MIB1: variants seen among roughly 807,000 people sequenced by gnomAD.
MIB1 encodes E3 ubiquitin-protein ligase MIB1.
MIB1 carries 278 observed loss-of-function variants against 124.5 expected under a neutral mutation model. The observed-to-expected ratio is 2.23, with a 90% CI of 2.02 to 2.47. The LOEUF (loss-of-function observed/expected upper bound fraction) is 2.47, where lower values mean the gene tolerates loss of function less well. Among genes scored for constraint, MIB1 ranks in the 30% most tolerant of loss-of-function variants. The pLI is 0.00. For synonymous variants in MIB1, 446 were observed against 429.4 expected (o/e 1.04, Z -0.48); for missense variants, 957 against 1,254.4 (o/e 0.76, Z 3.58).
At chr18:21,710,448 T>C (rs1010206601) in intron 1 of MIB1, among the ~76,000 whole-genome samples, 9 of 152,158 alleles carry the variant, frequency 5.9e-5, no homozygotes, top group African/African-American at 1.9e-4. Context: ...TCAAATACTT[T>C]CCCCAAAAAA....
intron 20 of MIB1, among the ~76,000 whole-genome samples, chr18:21,863,010 T>G (rs1414715339): frequency 3.3e-5 from 5 of 152,214 alleles, no homozygotes; most frequent in Non-Finnish European, 5.9e-5. Context: ...ACAGAGTCCT[T>G]GCTCTGTCGC....
chr18:21,767,171 A>G (rs374440989), intron 2 of MIB1, among the ~76,000 whole-genome samples: 1 of 152,208 alleles, frequency 6.6e-6, no homozygotes, highest in African/African-American at 2.4e-5. Context: ...GCTATGAAGA[A>G]ATACCCGAGA....
chr18:21,784,851 C>T (rs1461063888), intron 6 of MIB1, among the ~76,000 whole-genome samples: 3 of 152,110 alleles, frequency 2.0e-5, no homozygotes, highest in African/African-American at 7.2e-5. Context: ...GAAGACTCTG[C>T]TCCACCACCT....
chr18:21,761,778 G>A (rs943568530), intron 1 of MIB1, among the ~76,000 whole-genome samples: 3 of 152,150 alleles, frequency 2.0e-5, no homozygotes, highest in African/African-American at 4.8e-5. Context: ...TGCCTGCACC[G>A]GGAGCTCTGA....
At chr18:21,797,057 A>G (rs371299587) in intron 7 of MIB1, among the ~76,000 whole-genome samples, 2 of 152,218 alleles carry the variant, frequency 1.3e-5, no homozygotes, top group African/African-American at 4.8e-5. Flanking sequence ...CAAAAAATTG[A>G]TAATTTATGA....
intron 20 of MIB1, 109 bp from the exon 21 acceptor site, chr18:21,864,417 C>A: frequency 2.3e-6 from 2 of 885,094 alleles, no homozygotes; most frequent in Admixed American, 2.5e-5. Context: ...TAAAAACCAC[C>A]AAAATATTAT....
intron 10 of MIB1, among the ~76,000 whole-genome samples, chr18:21,808,775 G>A (rs1020247903): frequency 3.3e-5 from 5 of 152,034 alleles, no homozygotes; most frequent in East Asian, 1.9e-4. Context: ...TGGATCTGCC[G>A]TGGACTCTAT....
intron 11 of MIB1, among the ~76,000 whole-genome samples, chr18:21,816,690 C>G (rs948660561): frequency 8.5e-5 from 13 of 152,078 alleles, no homozygotes; most frequent in African/African-American, 3.1e-4. Flanking sequence ...GAATTGGTTG[C>G]TGGATTGGAT....
intron 12 of MIB1, among the ~76,000 whole-genome samples, chr18:21,823,446 C>T (rs2041897530): frequency 6.6e-6 from 1 of 151,420 alleles, no homozygotes; most frequent in Non-Finnish European, 1.5e-5. Context: ...CCAGATATAG[C>T]ACGTTGTTAT....
At chr18:21,791,180 TAA>T (rs373544864) in intron 6 of MIB1, among the ~76,000 whole-genome samples, 192 bp from the exon 7 acceptor site, 19 of 128,684 alleles carry the variant, frequency 1.5e-4, no homozygotes, top group Non-Finnish European at 2.9e-4. Flanking sequence ...AGACTCTGTC[TAA>T]AAAAAAAAAA....
intron 1 of MIB1, among the ~76,000 whole-genome samples, chr18:21,734,197 C>T (rs900491445): frequency 6.6e-6 from 1 of 150,840 alleles, no homozygotes; most frequent in African/African-American, 2.4e-5. Context: ...AGCTCCGCCT[C>T]CCGGGTTCAC....
intron 1 of MIB1, among the ~76,000 whole-genome samples, chr18:21,751,212 GA>G (rs1245300663): frequency 1.3e-5 from 2 of 148,850 alleles, no homozygotes; most frequent in Admixed American, 6.7e-5. Context: ...AAACAGAGGG[GA>G]AAAAAAAAGA....
At position 21,779,683 on chromosome 18, in the gene MIB1, T is replaced by C; in HGVS notation, c.906T>C (p.Asn302=). The change falls in exon 6 of 21, where the codon AAT becomes AAC. Residue 302 remains asparagine, a splice_region_variant and synonymous_variant. Transcript: ENST00000261537. ...HDIVVQYPSG[N]RWTFNPAVLT... is the part of the protein sequence containing the mutation. ...TTGTAGTACAGTATCCAAGTGGCAATAGGTGGGTGATATCTCTCAATTTTT... is the reference window on the plus strand; with the variant it reads ...TTGTAGTACAGTATCCAAGTGGCAACAGGTGGGTGATATCTCTCAATTTTT... 6.2e-7 allele frequency: 1 copy of C among 1,611,358 alleles called. No homozygotes were observed. Among genetic ancestry groups the C allele is most frequent in the South Asian group, 1.1e-5 (1 of 90,968 alleles).
At chr18:21,845,348 T>A (rs2042126282) in intron 15 of MIB1, among the ~76,000 whole-genome samples, 1 of 152,114 alleles carries the variant, frequency 6.6e-6, no homozygotes, top group Non-Finnish European at 1.5e-5. Flanking sequence ...AGAGTCAAAT[T>A]TTTTAATTTT....
At chr18:21,845,618 T>C (rs1247824580) in intron 15 of MIB1, among the ~76,000 whole-genome samples, 1 of 152,104 alleles carries the variant, frequency 6.6e-6, no homozygotes, top group Non-Finnish European at 1.5e-5. Flanking sequence ...AAAGACTTTG[T>C]TTCTTTTCTT....
chr18:21,852,333 G>A (rs542891294), intron 17 of MIB1, among the ~76,000 whole-genome samples: 88 of 152,278 alleles, frequency 5.8e-4, no homozygotes, highest in Non-Finnish European at 1.0e-3. Flanking sequence ...GCATGTATTT[G>A]GTTGTTTGGA....
At chr18:21,756,812 C>G (rs2041037484) in intron 1 of MIB1, among the ~76,000 whole-genome samples, 2 of 152,102 alleles carry the variant, frequency 1.3e-5, no homozygotes, top group Non-Finnish European at 2.9e-5. Context: ...AATTTTTTGA[C>G]TCCTATGTAA....
At chr18:21,839,960 C>G (rs1225259071) in intron 13 of MIB1, among the ~76,000 whole-genome samples, 1 of 152,116 alleles carries the variant, frequency 6.6e-6, no homozygotes, top group Non-Finnish European at 1.5e-5. Context: ...GAGGCTGAAG[C>G]AGGAGGATTG....
intron 15 of MIB1, among the ~76,000 whole-genome samples, chr18:21,844,772 TG>T (rs543497910): frequency 3.9e-5 from 6 of 152,004 alleles, no homozygotes; most frequent in Non-Finnish European, 7.4e-5. Context: ...AGATACGTAG[TG>T]GTATCTTATT....
Sources: allele counts gnomAD v4.1 joint callset (sites outside exome capture counted in the v4.1 genomes callset), GRCh38; gene constraint gnomAD v4.1.1; transcripts MANE v1.5; gene names NCBI Gene and HGNC (gene_info 2026-07-23, HGNC 2026-07-21).